Variants in XKR4 observed in about 807,000 individuals in gnomAD.
XKR4 encodes the protein XK-related protein 4.
Under a neutral mutation model 53.9 loss-of-function variants are expected in XKR4, and 12 were observed. The observed-to-expected ratio is 0.22, with a 90% CI of 0.14 to 0.36. The LOEUF (loss-of-function observed/expected upper bound fraction) is 0.36. Among genes scored for constraint, XKR4 ranks in the 10% least tolerant of loss-of-function variants. The pLI, the probability that XKR4 is intolerant of heterozygous loss-of-function variation, is 1.00. For synonymous variants in XKR4, 354 were observed against 362.4 expected (o/e 0.98, Z 0.26); for missense variants, 799 against 859.5 (o/e 0.93, Z 0.88).
At chr8:55,259,192 G>A (rs1818481839) in intron 1 of XKR4, among the ~76,000 whole-genome samples, 1 of 152,214 alleles carries the variant, frequency 6.6e-6, no homozygotes, top group Non-Finnish European at 1.5e-5. Flanking sequence ...GACGCACCTG[G>A]GGTGGGCCTC....
intron 1 of XKR4, among the ~76,000 whole-genome samples, chr8:55,196,837 C>T (rs1324623162): frequency 6.6e-6 from 1 of 151,990 alleles, no homozygotes. Context: ...GAAGGATGAC[C>T]CTCTTTTTGG....
intron 1 of XKR4, among the ~76,000 whole-genome samples, chr8:55,168,337 A>T (rs537095940): frequency 6.6e-6 from 1 of 152,252 alleles, no homozygotes; most frequent in South Asian, 2.1e-4. Flanking sequence ...GGATGTTTTA[A>T]GTTGGGGAGC....
chr8:55,208,287 G>A (rs1290691909), intron 1 of XKR4, among the ~76,000 whole-genome samples: 3 of 152,006 alleles, frequency 2.0e-5, no homozygotes, highest in Non-Finnish European at 4.4e-5. Flanking sequence ...AACCCAATTC[G>A]CTTGTTCTGT....
At chr8:55,459,747 T>C (rs1026820335) in intron 2 of XKR4, among the ~76,000 whole-genome samples, 4 of 152,118 alleles carry the variant, frequency 2.6e-5, no homozygotes, top group Admixed American at 6.6e-5. Flanking sequence ...CTATAATGAC[T>C]GCAATAAAAA....
At chr8:55,386,729 T>C (rs1804321999) in intron 2 of XKR4, among the ~76,000 whole-genome samples, 1 of 152,220 alleles carries the variant, frequency 6.6e-6, no homozygotes, top group Non-Finnish European at 1.5e-5. Context: ...CAATGGGAAG[T>C]GGGAGTACAG....
chr8:55,167,217 G>GT (rs377663807), intron 1 of XKR4, among the ~76,000 whole-genome samples: 2 of 152,154 alleles, frequency 1.3e-5, no homozygotes, highest in Non-Finnish European at 2.9e-5. Flanking sequence ...GAAAGGATGA[G>GT]TTTTTTGGAG....
rs1806919492 is a variant in XKR4 at position 55,529,373 on chromosome 8, G to A, written c.*5146G>A. On this transcript the variant is annotated 3_prime_UTR_variant, in exon 3 of 3. Coordinates refer to ENST00000327381, the MANE Select transcript of XKR4 (RefSeq NM_052898.2). ...TTTCGTAATATACTGACAGCCTAATGTCAGAAACGAGCTGCCTAAATCAAG... is the reference window on the plus strand; with the variant it reads ...TTTCGTAATATACTGACAGCCTAATATCAGAAACGAGCTGCCTAAATCAAG... 1 of 152,082 alleles carries A rather than the reference G, an allele frequency of 6.6e-6. No individual in the cohort carries two copies. 9.4% of individuals were successfully genotyped at this position (152,082 alleles called of 1,614,324 possible).
chr8:55,124,316 A>C (rs1361435862), intron 1 of XKR4, among the ~76,000 whole-genome samples: 1 of 152,210 alleles, frequency 6.6e-6, no homozygotes, highest in East Asian at 1.9e-4. Context: ...TAGTAGAGCA[A>C]AACTACATTC....
chr8:55,154,120 A>G (rs754545028), intron 1 of XKR4, among the ~76,000 whole-genome samples: 1 of 152,170 alleles, frequency 6.6e-6, no homozygotes, highest in Non-Finnish European at 1.5e-5. Flanking sequence ...TCCTCTCCCT[A>G]TATACATAGG....
intron 2 of XKR4, among the ~76,000 whole-genome samples, chr8:55,388,497 C>T (rs1158391822): frequency 6.6e-6 from 1 of 151,346 alleles, no homozygotes; most frequent in Non-Finnish European, 1.5e-5. Context: ...GAAAGCACAG[C>T]AGTTTCAGTG....
chr8:55,434,989 C>T (rs1045445958), intron 2 of XKR4, among the ~76,000 whole-genome samples: 1 of 152,042 alleles, frequency 6.6e-6, no homozygotes, highest in South Asian at 2.1e-4. Flanking sequence ...TCACTACACA[C>T]ACACAAGCAT....
At chr8:55,366,937 C>T (rs1803997390) in intron 2 of XKR4, among the ~76,000 whole-genome samples, 1 of 152,224 alleles carries the variant, frequency 6.6e-6, no homozygotes, top group South Asian at 2.1e-4. Flanking sequence ...CTTTCTTGCT[C>T]TTCACAAACT....
At chr8:55,516,913 T>C (rs967730255) in intron 2 of XKR4, among the ~76,000 whole-genome samples, 7 of 152,108 alleles carry the variant, frequency 4.6e-5, no homozygotes, top group African/African-American at 1.7e-4. Flanking sequence ...AAAAATATGG[T>C]ACATGTACAC....
At chr8:55,205,390 A>G (rs1239705141) in intron 1 of XKR4, among the ~76,000 whole-genome samples, 2 of 152,250 alleles carry the variant, frequency 1.3e-5, no homozygotes, top group Non-Finnish European at 2.9e-5. Context: ...ATTTAGAGGC[A>G]GAGACTGTTC....
At chr8:55,415,440 A>T (rs1387192699) in intron 2 of XKR4, among the ~76,000 whole-genome samples, 1 of 152,212 alleles carries the variant, frequency 6.6e-6, no homozygotes, top group African/African-American at 2.4e-5. Flanking sequence ...AGTTATCTTC[A>T]TGTAATGTAG....
At chr8:55,443,583 C>T (rs1233516738) in intron 2 of XKR4, among the ~76,000 whole-genome samples, 1 of 142,288 alleles carries the variant, frequency 7.0e-6, no homozygotes, top group Non-Finnish European at 1.5e-5. Context: ...GTGGCTCACA[C>T]CTGTAAGCCC....
At chr8:55,298,826 T>C (rs1002992933) in intron 1 of XKR4, among the ~76,000 whole-genome samples, 1 of 152,198 alleles carries the variant, frequency 6.6e-6, no homozygotes, top group Non-Finnish European at 1.5e-5. Context: ...TATATGTGTG[T>C]AAAATTTTTT....
chr8:55,313,700 T>C (rs1402293855), intron 1 of XKR4, among the ~76,000 whole-genome samples: 1 of 152,234 alleles, frequency 6.6e-6, no homozygotes, highest in Non-Finnish European at 1.5e-5. Context: ...GTGAACTGTG[T>C]TGAATGTCAA....
chr8:55,256,887 A>G (rs1361023779), intron 1 of XKR4, among the ~76,000 whole-genome samples: 3 of 152,198 alleles, frequency 2.0e-5, no homozygotes, highest in Admixed American at 1.3e-4. Context: ...TAACAGAAAT[A>G]TATTGCTCAC....
Sources: allele counts gnomAD v4.1 joint callset (sites outside exome capture counted in the v4.1 genomes callset), GRCh38; gene constraint gnomAD v4.1.1; transcripts MANE v1.5; gene names NCBI Gene and HGNC (gene_info 2026-07-23, HGNC 2026-07-21).